OSBPL10: variants seen among roughly 807,000 people sequenced by gnomAD.
OSBPL10 encodes oxysterol-binding protein-related protein 10.
A neutral mutation model predicts 81.7 loss-of-function variants in OSBPL10; 49 were observed. The observed-to-expected ratio is 0.60, with a 90% CI of 0.48 to 0.76. OSBPL10 has a LOEUF of 0.76. Among genes scored for constraint, OSBPL10 ranks in the 30% least tolerant of loss-of-function variants. OSBPL10 has a pLI of 0.00. For missense variants in OSBPL10, 923 were observed against 987.8 expected, an observed-to-expected ratio of 0.93 and a Z score of 0.88; for synonymous variants, 419 against 383.6, an observed-to-expected ratio of 1.09 and a Z score of -1.08.
intron 10 of OSBPL10, among the ~76,000 whole-genome samples, chr3:31,665,227 A>T (rs1229801452): frequency 6.6e-6 from 1 of 152,192 alleles, no homozygotes; most frequent in East Asian, 1.9e-4. Flanking sequence ...AAAGGAAAGG[A>T]CCCATGATAA....
chr3:31,812,726 GA>G (rs1426750649), intron 4 of OSBPL10, among the ~76,000 whole-genome samples: 1 of 16,990 alleles, frequency 5.9e-5, no homozygotes, highest in Non-Finnish European at 9.8e-5. Flanking sequence ...AAAAAAGAAA[GA>G]AAGAAAGAAA....
chr3:31,667,536 C>A (rs760668751), intron 10 of OSBPL10, among the ~76,000 whole-genome samples: 1 of 152,222 alleles, frequency 6.6e-6, no homozygotes, highest in African/African-American at 2.4e-5. Flanking sequence ...TGGTTACAAA[C>A]TCTTGTAGTA....
At chr3:32,058,829 A>G (rs1699733331) in intron 1 of OSBPL10, among the ~76,000 whole-genome samples, 1 of 152,112 alleles carries the variant, frequency 6.6e-6, no homozygotes, top group Non-Finnish European at 1.5e-5. Context: ...TAGGGACTAC[A>G]TGTATGCACC....
intron 7 of OSBPL10, among the ~76,000 whole-genome samples, chr3:31,699,803 C>CTGAG (rs1432883566): frequency 1.3e-5 from 2 of 152,178 alleles, no homozygotes; most frequent in Non-Finnish European, 2.9e-5. Flanking sequence ...CTGGCACATC[C>CTGAG]TCAGGGACAC....
At chr3:32,052,741 G>A (rs1699678284) in intron 1 of OSBPL10, among the ~76,000 whole-genome samples, 1 of 152,148 alleles carries the variant, frequency 6.6e-6, no homozygotes, top group African/African-American at 2.4e-5. Context: ...CTTACAAGTG[G>A]GAGTTGAACA....
intron 2 of OSBPL10, among the ~76,000 whole-genome samples, chr3:32,028,061 G>T (rs534903304): frequency 2.0e-5 from 3 of 152,278 alleles, no homozygotes; most frequent in Non-Finnish European, 4.4e-5. Flanking sequence ...TCTTGTTCAT[G>T]ATGGCCCTAA....
At chr3:31,740,139 G>A (rs935472700) in intron 5 of OSBPL10, among the ~76,000 whole-genome samples, 1 of 150,458 alleles carries the variant, frequency 6.6e-6, no homozygotes, top group East Asian at 2.0e-4. Context: ...TGCCTCCCAT[G>A]TTCAAGTGAT....
chr3:31,907,803 G>A (rs550902621), intron 1 of OSBPL10, among the ~76,000 whole-genome samples: 1 of 152,078 alleles, frequency 6.6e-6, no homozygotes, highest in African/African-American at 2.4e-5. Flanking sequence ...TCTAGATGTT[G>A]GGAATAGAAC....
intron 4 of OSBPL10, among the ~76,000 whole-genome samples, chr3:31,786,242 T>C (rs1346721740): frequency 1.3e-5 from 2 of 152,196 alleles, no homozygotes; most frequent in African/African-American, 4.8e-5. Flanking sequence ...TGCCCCCAGG[T>C]TGACTTTGCT....
At chr3:31,761,324 T>C (rs1399444201) in intron 4 of OSBPL10, among the ~76,000 whole-genome samples, 1 of 151,466 alleles carries the variant, frequency 6.6e-6, no homozygotes, top group Admixed American at 6.6e-5. Flanking sequence ...ATACAAAAAT[T>C]AGCTGGATGT....
At chr3:31,669,430 A>G (rs746639114) in intron 9 of OSBPL10, among the ~76,000 whole-genome samples, 7 of 152,206 alleles carry the variant, frequency 4.6e-5, no homozygotes, top group South Asian at 2.1e-4. Context: ...TCTATTTTGT[A>G]TGGGGTCAAA....
intron 1 of OSBPL10, among the ~76,000 whole-genome samples, chr3:31,914,469 C>T (rs1394947029): frequency 6.6e-6 from 1 of 152,170 alleles, no homozygotes; most frequent in Admixed American, 6.5e-5. Context: ...TGTTTCCCAA[C>T]CTTACTAACC....
intron 3 of OSBPL10, among the ~76,000 whole-genome samples, chr3:31,855,958 A>G (rs1208400728): frequency 6.6e-6 from 1 of 152,078 alleles, no homozygotes; most frequent in Non-Finnish European, 1.5e-5. Flanking sequence ...GTACAGATGT[A>G]TGGTGCAATA....
At chr3:31,932,256 A>T (rs1217049447) in intron 1 of OSBPL10, among the ~76,000 whole-genome samples, 1 of 152,112 alleles carries the variant, frequency 6.6e-6, no homozygotes, top group East Asian at 1.9e-4. Flanking sequence ...AGAGTTTCCA[A>T]CTCCGAACAC....
chr3:31,685,776 T>C (rs974880219), intron 7 of OSBPL10, among the ~76,000 whole-genome samples: 1 of 152,220 alleles, frequency 6.6e-6, no homozygotes, highest in Non-Finnish European at 1.5e-5. Flanking sequence ...CACAGATCTG[T>C]AACCCTGACT....
intron 2 of OSBPL10, among the ~76,000 whole-genome samples, chr3:32,030,877 T>C (rs188363455): frequency 7.2e-5 from 11 of 152,142 alleles, no homozygotes; most frequent in East Asian, 1.9e-4. Context: ...TTGAAAATAA[T>C]TGAGGAGGCC....
chr3:31,856,069 T>TACACACACAC (rs10576489), intron 3 of OSBPL10, among the ~76,000 whole-genome samples: 41 of 134,474 alleles, frequency 3.0e-4, no homozygotes, highest in African/African-American at 9.3e-4. Context: ...ATGTTTATAT[T>TACACACACAC]ACACACACAC....
At chr3:31,877,576 T>C (rs987718198) in intron 2 of OSBPL10, among the ~76,000 whole-genome samples, 6 of 144,868 alleles carry the variant, frequency 4.1e-5, no homozygotes, top group East Asian at 2.0e-4. Flanking sequence ...ATGTTGACTA[T>C]GAAAAAAAAA....
intron 4 of OSBPL10, among the ~76,000 whole-genome samples, chr3:31,790,861 G>T (rs1406884140): frequency 6.6e-6 from 1 of 152,208 alleles, no homozygotes; most frequent in Non-Finnish European, 1.5e-5. Context: ...AAGATCTACT[G>T]CATATGTGTC....
Sources: gnomAD v4.1 joint callset for allele counts (sites outside exome capture counted in the v4.1 genomes callset) on GRCh38, gnomAD v4.1.1 for gene constraint, MANE v1.5 for transcripts, NCBI Gene and HGNC (gene_info 2026-07-23, HGNC 2026-07-21) for gene names.